The following CFAP54 variants were observed in gnomAD, a reference collection of about 807,000 sequenced individuals.
CFAP54 encodes cilia and flagella associated protein 54, also known as cilia- and flagella-associated protein 54.
CFAP54 carries 290 observed loss-of-function variants against 370.4 expected under a neutral mutation model. The ratio of observed to expected loss-of-function variants is 0.78; its 90% confidence interval spans 0.71 to 0.86. The LOEUF (loss-of-function observed/expected upper bound fraction) is 0.86. CFAP54 is among the 40% of genes least tolerant of loss of function. The pLI, the probability that CFAP54 is intolerant of heterozygous loss-of-function variation, is 0.00. For synonymous variants in CFAP54, 1,206 were observed against 1,236.5 expected (o/e 0.98, Z 0.52); for missense variants, 3,399 against 3,528.7 (o/e 0.96, Z 0.93).
At chr12:96,505,002 CT>C (rs1955079863) in intron 3 of CFAP54, among the ~76,000 whole-genome samples, 4 of 139,352 alleles carry the variant, frequency 2.9e-5, no homozygotes, top group South Asian at 2.3e-4. Context: ...CTTTTTCTTT[CT>C]TTCTTTCTTT....
chr12:96,641,617 A>G (rs997688778), intron 32 of CFAP54, among the ~76,000 whole-genome samples: 8 of 152,200 alleles, frequency 5.3e-5, no homozygotes, highest in African/African-American at 1.4e-4. Flanking sequence ...TGCTGTAAAG[A>G]CACATGCACA....
At chr12:96,630,062 T>A in intron 30 of CFAP54, 31 bp from the exon 31 acceptor site, 1 of 1,183,106 alleles carries the variant, frequency 8.5e-7, no homozygotes, top group Non-Finnish European at 1.2e-6. Context: ...TTTTTGCAGG[T>A]CTTTTTGACT....
At chr12:96,868,746 T>A (rs1375801023) in intron 67 of CFAP54, among the ~76,000 whole-genome samples, 1 of 151,856 alleles carries the variant, frequency 6.6e-6, no homozygotes, top group African/African-American at 2.4e-5. Context: ...AGTTGAGCCC[T>A]TTTTTTTCTT....
At chr12:96,589,683 T>G in intron 23 of CFAP54, 120 bp downstream of exon 23, 1 of 636,076 alleles carries the variant, frequency 1.6e-6, no homozygotes, top group Non-Finnish European at 2.6e-6. Flanking sequence ...TCATCATTTC[T>G]AATAACTATT....
intron 1 of CFAP54, among the ~76,000 whole-genome samples, chr12:96,498,134 A>G (rs1364363959): frequency 6.6e-6 from 1 of 152,206 alleles, no homozygotes; most frequent in East Asian, 1.9e-4. Context: ...GGATATCCAC[A>G]TGCCAAAAAA....
intron 45 of CFAP54, among the ~76,000 whole-genome samples, chr12:96,696,325 G>C (rs1957439816): frequency 1.3e-5 from 2 of 152,132 alleles, no homozygotes; most frequent in Admixed American, 1.3e-4. Flanking sequence ...GGAGCCATGA[G>C]AGAAATGAAG....
intron 49 of CFAP54, among the ~76,000 whole-genome samples, chr12:96,718,994 C>A (rs1337834131): frequency 6.6e-6 from 1 of 151,800 alleles, no homozygotes; most frequent in African/African-American, 2.4e-5. Flanking sequence ...GTCAATATCA[C>A]GCCACTGCAT....
chr12:96,580,939 G>A lies in CFAP54; in HGVS notation c.2909G>A (p.Ser970Asn). 1 of 1,511,592 alleles carries A rather than the reference G, an allele frequency of 6.6e-7. No homozygotes were observed. Among genetic ancestry groups the A allele is most frequent in the Non-Finnish European group, 8.8e-7 (1 of 1,135,806 alleles). The allele number at this position is 1,511,592 out of a possible 1,614,324, so 93.6% of individuals were successfully genotyped here. ...SGEAIPADGK[S>N]VFEVKGLETN... ...TAATAGATACCAGCTGACGGTAAAAGTGTTTTTGAAGTGAAAGGTTTAGAA... is the reference window on the plus strand; with the variant it reads ...TAATAGATACCAGCTGACGGTAAAAATGTTTTTGAAGTGAAAGGTTTAGAA... The change falls in exon 22 of 68, where the codon AGT becomes AAT. Residue 970 changes from serine (S) to asparagine (N), a missense_variant. By Grantham distance (46) the Ser-to-Asn change is conservative. Coordinates refer to ENST00000524981, the MANE Select transcript of CFAP54 (RefSeq NM_001306084.2).
chr12:96,766,103 A>G (rs1427021811), intron 60 of CFAP54, among the ~76,000 whole-genome samples: 1 of 152,116 alleles, frequency 6.6e-6, no homozygotes, highest in East Asian at 1.9e-4. Context: ...TGATCTTCCT[A>G]ATACTTCTGG....
intron 39 of CFAP54, among the ~76,000 whole-genome samples, chr12:96,668,952 C>G (rs932080211): frequency 2.0e-5 from 3 of 152,072 alleles, no homozygotes; most frequent in Admixed American, 6.5e-5. Context: ...GTGTGAAGTG[C>G]CTGTACTAGG....
At chr12:96,621,883 T>TTTTTTTG (rs1956498056) in intron 27 of CFAP54, among the ~76,000 whole-genome samples, 162 bp downstream of exon 27, 1 of 127,630 alleles carries the variant, frequency 7.8e-6, no homozygotes, top group African/African-American at 2.9e-5. Flanking sequence ...TTGTTTTTTT[T>TTTTTTTG]TTTTTTTTTT....
intron 1 of CFAP54, among the ~76,000 whole-genome samples, chr12:96,493,239 G>A (rs568690237): frequency 6.6e-6 from 1 of 152,162 alleles, no homozygotes; most frequent in Non-Finnish European, 1.5e-5. Flanking sequence ...ACTTGACACT[G>A]GTTACACAGT....
chr12:96,739,317 G>A (rs7315954), intron 50 of CFAP54, among the ~76,000 whole-genome samples: 130,953 of 152,172 alleles, frequency 0.86, 56,756 homozygotes, highest in African/African-American at 0.96. Context: ...GCAATGATAA[G>A]TTTACTATTC....
chr12:96,653,962 TATG>T (rs1475617605), intron 36 of CFAP54, among the ~76,000 whole-genome samples: 10 of 152,082 alleles, frequency 6.6e-5, no homozygotes, highest in South Asian at 2.1e-4. Flanking sequence ...AAAAAGGAAA[TATG>T]ATCAATTTTT....
intron 39 of CFAP54, among the ~76,000 whole-genome samples, chr12:96,664,800 TATATATATATATA>T: frequency 2.6e-5 from 1 of 37,758 alleles, no homozygotes; most frequent in East Asian, 1.2e-3. Flanking sequence ...TATATATATA[TATATATATATATA>T]GATATATATA....
At chr12:96,838,533 T>G (rs770962401) in intron 66 of CFAP54, among the ~76,000 whole-genome samples, 1 of 151,884 alleles carries the variant, frequency 6.6e-6, no homozygotes, top group Non-Finnish European at 1.5e-5. Flanking sequence ...ATGTCTTACA[T>G]GTGGCAGGAG....
chr12:96,705,197 CA>C (rs1565948399), intron 47 of CFAP54, among the ~76,000 whole-genome samples: 1 of 152,042 alleles, frequency 6.6e-6, no homozygotes, highest in African/African-American at 2.4e-5. Flanking sequence ...GATATATACA[CA>C]TGGTTTTTAT....
At chr12:96,793,514 G>A (rs912367713) in intron 63 of CFAP54, among the ~76,000 whole-genome samples, 2 of 151,994 alleles carry the variant, frequency 1.3e-5, no homozygotes, top group Non-Finnish European at 2.9e-5. Flanking sequence ...ATAAACGTTC[G>A]TGTGCAAGTA....
At chr12:96,850,633 G>C (rs549730443) in intron 66 of CFAP54, among the ~76,000 whole-genome samples, 1 of 152,236 alleles carries the variant, frequency 6.6e-6, no homozygotes, top group East Asian at 1.9e-4. Flanking sequence ...TCATGGGTGT[G>C]TATATTAGTT....
Sources: allele counts gnomAD v4.1 joint callset (sites outside exome capture counted in the v4.1 genomes callset), GRCh38; gene constraint gnomAD v4.1.1; transcripts MANE v1.5; gene names NCBI Gene and HGNC (gene_info 2026-07-23, HGNC 2026-07-21).